The following CPSF6 variants were observed in gnomAD, a reference collection of about 807,000 sequenced individuals.
CPSF6 encodes the protein cleavage and polyadenylation specific factor 6, also known as cleavage and polyadenylation specificity factor subunit 6.
CPSF6 carries 10 observed loss-of-function variants against 56.7 expected under a neutral mutation model. The observed-to-expected ratio is 0.18, with a 90% CI of 0.11 to 0.30. The LOEUF (loss-of-function observed/expected upper bound fraction) is 0.30, where lower values mean the gene tolerates loss of function less well. Ranked by LOEUF, CPSF6 falls within the 10% of genes least tolerant of loss-of-function variation. The pLI, the probability that CPSF6 is intolerant of heterozygous loss-of-function variation, is 1.00. For synonymous variants in CPSF6, 248 were observed against 244.8 expected (o/e 1.01, Z -0.12); for missense variants, 419 against 722.9 (o/e 0.58, Z 4.82).
chr12:69,240,797 G>T (rs1871579143), intron 1 of CPSF6, among the ~76,000 whole-genome samples: 1 of 151,312 alleles, frequency 6.6e-6, no homozygotes, highest in Non-Finnish European at 1.5e-5. Flanking sequence ...TGTGATGTCT[G>T]TTAATGGGCA....
At chr12:69,249,277 A>C (rs1261342330) in intron 1 of CPSF6, among the ~76,000 whole-genome samples, 1 of 149,924 alleles carries the variant, frequency 6.7e-6, no homozygotes, top group Admixed American at 6.6e-5. Context: ...TCTCAAAAAA[A>C]TAAATAAATA....
chr12:69,242,534 G>T (rs1350166), intron 1 of CPSF6, among the ~76,000 whole-genome samples: 53,269 of 152,002 alleles, frequency 0.35, 10,513 homozygotes, highest in Non-Finnish European at 0.45. Flanking sequence ...TAAGAATGGA[G>T]AATGAAGGGG....
At chr12:69,252,231 G>A (rs997575366) in intron 2 of CPSF6, 6 of 314,132 alleles carry the variant, frequency 1.9e-5, no homozygotes, top group East Asian at 9.7e-5. Flanking sequence ...GTGTCACTCT[G>A]CCTGGCTAAT....
chr12:69,265,830 G>A (rs1295233542), intron 9 of CPSF6, among the ~76,000 whole-genome samples: 3 of 151,784 alleles, frequency 2.0e-5, no homozygotes, highest in South Asian at 2.1e-4. Flanking sequence ...TCAAACTCCC[G>A]ACGTCAGGTG....
At chr12:69,269,431 T>C (rs1873144538) in intron 9 of CPSF6, 81 bp from the exon 10 acceptor site, 2 of 441,880 alleles carry the variant, frequency 4.5e-6, no homozygotes, top group Non-Finnish European at 9.1e-6. Flanking sequence ...GCACGACTTG[T>C]GTATGTATAG....
At chr12:69,251,479 A>G in intron 2 of CPSF6, 141 bp downstream of exon 2, 1 of 541,086 alleles carries the variant, frequency 1.8e-6, no homozygotes. Context: ...TGAGGAGGGA[A>G]ATACAAATAT....
Position 69,251,250 on chromosome 12 carries a change from G to A in CPSF6, c.182G>A (p.Gly61Asp), listed in dbSNP as rs1195424672. Residue 61 changes from glycine (G) to aspartate (D), a missense_variant, in exon 2 of 10, where the codon GGT becomes GAT. By Grantham distance (94) the Gly-to-Asp change is moderately conservative (BLOSUM62 -1). This residue lies in a region of CPSF6 where 125 missense variants were observed against 216.4 expected (regional missense o/e 0.58). Transcript: ENST00000435070. The part of the protein sequence containing the change: ...DYMDTLPPTV[G>D]DDVGKGAAPN... ...ATGGATACTCTCCCACCAACTGTTG[G>A]TGATGATGTGGGTAAAGGAGCAGCA... 5 of 1,613,066 alleles carry A rather than the reference G, an allele frequency of 3.1e-6. No homozygotes were observed. The highest frequency in any genetic ancestry group is 4.2e-6 in the Non-Finnish European group (5 of 1,179,864).
intron 1 of CPSF6, 62 bp from the exon 2 acceptor site, chr12:69,251,067 C>A: frequency 6.8e-7 from 1 of 1,473,254 alleles, no homozygotes; most frequent in Non-Finnish European, 9.2e-7. Context: ...AATTTGTATT[C>A]AAGTCTATTT....
At chr12:69,260,381 G>C (rs564429801) in intron 8 of CPSF6, among the ~76,000 whole-genome samples, 184 bp downstream of exon 8, 19 of 149,378 alleles carry the variant, frequency 1.3e-4, no homozygotes, top group Non-Finnish European at 2.5e-4. Flanking sequence ...CTCCTACTCA[G>C]TCTTAAAGCA....
chr12:69,240,060 C>T (rs914572960), intron 1 of CPSF6, among the ~76,000 whole-genome samples: 2 of 151,410 alleles, frequency 1.3e-5, no homozygotes, highest in Non-Finnish European at 3.0e-5. Flanking sequence ...GTGTAAGCGG[C>T]GGAGAGAACT....
At chr12:69,260,925 A>G (rs1460438646) in intron 8 of CPSF6, among the ~76,000 whole-genome samples, 1 of 152,190 alleles carries the variant, frequency 6.6e-6, no homozygotes, top group Non-Finnish European at 1.5e-5. Context: ...GCTCGTTATA[A>G]TATTTCTAAT....
At chr12:69,267,528 G>A (rs1398491892) in intron 9 of CPSF6, among the ~76,000 whole-genome samples, 3 of 151,916 alleles carry the variant, frequency 2.0e-5, no homozygotes, top group South Asian at 4.1e-4. Context: ...AAACATGGAC[G>A]TTGAATGTAT....
intron 2 of CPSF6, among the ~76,000 whole-genome samples, chr12:69,251,729 AAT>A (rs765293238): frequency 3.9e-5 from 6 of 152,164 alleles, no homozygotes; most frequent in Non-Finnish European, 7.4e-5. Context: ...CTGGTTTAAA[AAT>A]AGTGTCCATT....
At chr12:69,259,925 A>G (rs368455948) in intron 7 of CPSF6, 119 bp from the exon 8 acceptor site, 2 of 999,874 alleles carry the variant, frequency 2.0e-6, no homozygotes, top group Non-Finnish European at 1.5e-6. Context: ...ATTGTCTTGC[A>G]TAGTTATTTT....
chr12:69,258,523 CAT>C lies in CPSF6; in HGVS notation c.695-63_695-62del. 1 of 1,469,062 alleles carries C rather than the reference CAT, an allele frequency of 6.8e-7. No individual in the cohort carries two copies. The highest frequency in any genetic ancestry group is 9.1e-7 in the Non-Finnish European group (1 of 1,096,748). The allele number at this position is 1,469,062 out of a possible 1,614,324, so 91.0% of individuals were successfully genotyped here. ...CTATGCGTTTAAAGTATAATCTTGG[CAT>C]ATAAAAGTTAAAATATCTTATTAGT... On this transcript the variant is annotated intron_variant, in intron 5 of 9. Transcript: ENST00000435070. This position sits in a 1 kb window ranked among gnomAD's most constrained non-coding sequence, Gnocchi z 4.2.
At chr12:69,267,773 G>A (rs1039237139) in intron 9 of CPSF6, among the ~76,000 whole-genome samples, 2 of 151,816 alleles carry the variant, frequency 1.3e-5, no homozygotes, top group Non-Finnish European at 3.0e-5. Flanking sequence ...GTGAAAATTA[G>A]ATTTATTAAT....
chr12:69,255,204 A>G (rs892870407), intron 3 of CPSF6: 15 of 152,256 alleles, frequency 9.9e-5, no homozygotes, highest in African/African-American at 3.6e-4. Context: ...TCCATGTTGA[A>G]GCATGCATCA....
intron 1 of CPSF6, among the ~76,000 whole-genome samples, chr12:69,243,904 G>A (rs1489915878): frequency 6.6e-6 from 1 of 152,118 alleles, no homozygotes; most frequent in Non-Finnish European, 1.5e-5. Context: ...TGCAGTTGTG[G>A]CTCACTGCAG....
intron 1 of CPSF6, among the ~76,000 whole-genome samples, chr12:69,240,180 C>T (rs965773934): frequency 6.6e-6 from 1 of 152,070 alleles, no homozygotes. Flanking sequence ...GGCTCCGATT[C>T]CTCCCATCGC....
Sources: allele counts gnomAD v4.1 joint callset (sites outside exome capture counted in the v4.1 genomes callset), GRCh38; gene constraint gnomAD v4.1.1; regional missense constraint gnomAD v4.1.1; non-coding constraint Gnocchi (gnomAD v3.1); transcripts MANE v1.5; gene names NCBI Gene and HGNC (gene_info 2026-07-23, HGNC 2026-07-21).